Variants in ZDHHC13 observed in about 807,000 individuals in gnomAD.
ZDHHC13 encodes the protein zDHHC palmitoyltransferase 13.
A neutral mutation model predicts 86.0 loss-of-function variants in ZDHHC13; 85 were observed. That is an observed-to-expected ratio of 0.99 (90% CI 0.83 to 1.18). The LOEUF is 1.18. ZDHHC13 is among the 50% of genes most tolerant of loss of function. The pLI, the probability that ZDHHC13 is intolerant of heterozygous loss-of-function variation, is 0.00. For synonymous variants in ZDHHC13, 263 were observed against 246.4 expected, an observed-to-expected ratio of 1.07 and a Z score of -0.63; for missense variants, 711 against 730.2, an observed-to-expected ratio of 0.97 and a Z score of 0.30.
chr11:19,128,837 C>A (rs1459016367), intron 1 of ZDHHC13, among the ~76,000 whole-genome samples: 2 of 152,134 alleles, frequency 1.3e-5, no homozygotes, highest in Non-Finnish European at 2.9e-5. Context: ...TAGCAATTTT[C>A]TAGGGACAGT....
intron 4 of ZDHHC13, 59 bp from the exon 5 acceptor site, chr11:19,149,128 T>C: frequency 7.2e-7 from 1 of 1,387,864 alleles, no homozygotes; most frequent in Non-Finnish European, 9.5e-7. Flanking sequence ...TATCAGTCTC[T>C]CCCTGACTTT....
intron 4 of ZDHHC13, chr11:19,148,769 A>G (rs1849534331): frequency 6.5e-6 from 1 of 153,174 alleles, no homozygotes; most frequent in Non-Finnish European, 1.5e-5. Context: ...GATCGAGACC[A>G]TCCTGGCTAA....
intron 1 of ZDHHC13, among the ~76,000 whole-genome samples, chr11:19,126,286 C>T (rs1275652896): frequency 6.6e-6 from 1 of 151,760 alleles, no homozygotes; most frequent in Non-Finnish European, 1.5e-5. Flanking sequence ...CCACCCTCCA[C>T]CCTCAAGTAT....
chr11:19,140,981 G>C (rs1485867550), intron 1 of ZDHHC13, among the ~76,000 whole-genome samples: 1 of 151,156 alleles, frequency 6.6e-6, no homozygotes, highest in African/African-American at 2.4e-5. Flanking sequence ...TGAGTTAGTG[G>C]GTGCAGCGCA....
chr11:19,170,940 C>G (rs1850205687), intron 15 of ZDHHC13, among the ~76,000 whole-genome samples: 1 of 152,176 alleles, frequency 6.6e-6, no homozygotes. Flanking sequence ...AGGTCTTCTG[C>G]CAGTCCCATT....
intron 1 of ZDHHC13, among the ~76,000 whole-genome samples, chr11:19,132,744 C>T (rs1234849666): frequency 1.3e-5 from 2 of 152,084 alleles, no homozygotes; most frequent in African/African-American, 4.8e-5. Flanking sequence ...GTGGGGCTCA[C>T]CTTGTGTATT....
At chr11:19,152,127 T>C in intron 6 of ZDHHC13, 31 bp from the exon 7 acceptor site, 1 of 1,603,464 alleles carries the variant, frequency 6.2e-7, no homozygotes, top group Non-Finnish European at 8.5e-7. Flanking sequence ...TCTCTGTTAA[T>C]GCCTCTTGGT....
intron 16 of ZDHHC13, among the ~76,000 whole-genome samples, chr11:19,174,643 A>G (rs1221786934): frequency 1.3e-5 from 2 of 152,258 alleles, no homozygotes; most frequent in Middle Eastern, 3.2e-3. Flanking sequence ...ACTGGAATAG[A>G]TAGTGGTACT....
chr11:19,156,043 C>A, intron 9 of ZDHHC13, 114 bp downstream of exon 9: 1 of 1,256,512 alleles, frequency 8.0e-7, no homozygotes, highest in Admixed American at 3.5e-5. Context: ...TATTACTTAC[C>A]ATATAACAGC....
chr11:19,152,014 C>T (rs1849621087), intron 6 of ZDHHC13, 144 bp from the exon 7 acceptor site: 1 of 758,064 alleles, frequency 1.3e-6, no homozygotes, highest in African/African-American at 1.7e-5. Context: ...TAGAATAGAA[C>T]TCAGTACAAA....
At chr11:19,131,358 C>T (rs998492653) in intron 1 of ZDHHC13, among the ~76,000 whole-genome samples, 1 of 151,984 alleles carries the variant, frequency 6.6e-6, no homozygotes, top group Admixed American at 6.6e-5. Context: ...TGTAGGATTT[C>T]GGGGCTTATC....
At chr11:19,159,978 C>G (rs1565037999) in intron 10 of ZDHHC13, among the ~76,000 whole-genome samples, 1 of 151,944 alleles carries the variant, frequency 6.6e-6, no homozygotes, top group Non-Finnish European at 1.5e-5. Context: ...TAGAAATATA[C>G]CTTTCAGTGT....
chr11:19,134,579 C>A (rs1849080828), intron 1 of ZDHHC13, among the ~76,000 whole-genome samples: 1 of 152,096 alleles, frequency 6.6e-6, no homozygotes, highest in Non-Finnish European at 1.5e-5. Flanking sequence ...AAGCTGGAAA[C>A]CATCATTCTC....
rs975125975 is a variant in ZDHHC13 at position 19,117,593 on chromosome 11, G to A, written c.27+317G>A. ...CTGTGGGCCTGGGGAGGGGACGATG[G>A]CCCTTCCCGGGAGAGGTGTCAGGTG... On this transcript the variant is annotated intron_variant, in intron 1 of 16. Transcript: ENST00000446113. This position sits in a 1 kb window ranked among gnomAD's most constrained non-coding sequence, Gnocchi z 4.2. 5 of 341,896 alleles carry A rather than the reference G, an allele frequency of 1.5e-5. No individual in the cohort carries two copies. Among genetic ancestry groups the A allele is most frequent in the Non-Finnish European group, 2.1e-5 (4 of 189,210 alleles). 21.2% of individuals were successfully genotyped at this position (341,896 alleles called of 1,614,324 possible).
chr11:19,133,558 G>A (rs1849051616), intron 1 of ZDHHC13, among the ~76,000 whole-genome samples: 1 of 152,004 alleles, frequency 6.6e-6, no homozygotes, highest in African/African-American at 2.4e-5. Context: ...ATGTTATACA[G>A]CAATGAAAAT....
intron 1 of ZDHHC13, among the ~76,000 whole-genome samples, chr11:19,119,518 C>T (rs1196661015): frequency 3.9e-5 from 6 of 152,176 alleles, no homozygotes; most frequent in Non-Finnish European, 8.8e-5. Flanking sequence ...TTGGCTTATT[C>T]CCCCACCTCT....
At chr11:19,163,535 G>A in intron 11 of ZDHHC13, 108 bp downstream of exon 11, 1 of 1,185,140 alleles carries the variant, frequency 8.4e-7, no homozygotes, top group Non-Finnish European at 1.1e-6. Context: ...TGCATGACAT[G>A]TGGGGTGATA....
At chr11:19,169,666 G>A (rs1183709047) in intron 14 of ZDHHC13, 6 of 985,368 alleles carry the variant, frequency 6.1e-6, no homozygotes, top group African/African-American at 1.7e-5. Flanking sequence ...TAACCTTGAA[G>A]ATCCGTTCCC....
At chr11:19,167,238 G>A (rs1212602776) in intron 14 of ZDHHC13, 1 of 152,076 alleles carries the variant, frequency 6.6e-6, no homozygotes, top group Non-Finnish European at 1.5e-5. Context: ...TACATTCTTG[G>A]TCAAATCTTA....
Sources: gnomAD v4.1 joint callset for allele counts (sites outside exome capture counted in the v4.1 genomes callset) on GRCh38, gnomAD v4.1.1 for gene constraint, Gnocchi (gnomAD v3.1) non-coding constraint, MANE v1.5 for transcripts, NCBI Gene and HGNC (gene_info 2026-07-23, HGNC 2026-07-21) for gene names.